Variants in WDR41 observed in about 807,000 individuals in gnomAD.
The protein encoded by WDR41 is WD repeat-containing protein 41.
A neutral mutation model predicts 69.3 loss-of-function variants in WDR41; 63 were observed. The ratio of observed to expected loss-of-function variants is 0.91; its 90% CI spans 0.74 to 1.12. The LOEUF (loss-of-function observed/expected upper bound fraction) is 1.12. Among genes scored for constraint, WDR41 ranks in the 50% most tolerant of loss-of-function variants. The probability of loss-of-function intolerance (pLI) is 0.00; values close to 1 mark genes in which losing one functional copy is unlikely to be tolerated. For synonymous variants in WDR41, 185 were observed against 192.1 expected, an observed-to-expected ratio of 0.96 and a Z score of 0.31; for missense variants, 543 against 534.5, an observed-to-expected ratio of 1.02 and a Z score of -0.16.
chr5:77,480,522 T>C (rs1222191323), intron 2 of WDR41, among the ~76,000 whole-genome samples: 5 of 152,028 alleles, frequency 3.3e-5, no homozygotes, highest in Non-Finnish European at 7.4e-5. Flanking sequence ...ATGTCCTTTG[T>C]AGGGACATGG....
chr5:77,436,853 AT>A (rs1427506093), intron 11 of WDR41, among the ~76,000 whole-genome samples: 1 of 152,232 alleles, frequency 6.6e-6, no homozygotes, highest in Non-Finnish European at 1.5e-5. Flanking sequence ...TTGGTAACTA[AT>A]TTATTCAACC....
intron 8 of WDR41, among the ~76,000 whole-genome samples, chr5:77,446,575 G>A (rs767356572): frequency 3.4e-4 from 52 of 152,224 alleles, no homozygotes; most frequent in Non-Finnish European, 7.1e-4. Flanking sequence ...TACCAAAACA[G>A]ACATATAGAC....
At chr5:77,468,192 G>A (rs1048830089) in intron 2 of WDR41, among the ~76,000 whole-genome samples, 2 of 152,128 alleles carry the variant, frequency 1.3e-5, no homozygotes. Flanking sequence ...CTAATTATGA[G>A]AACTAAATTT....
rs181218445 is a variant in WDR41 at position 77,565,435 on chromosome 5, C to T, written c.42+55044G>A. Among the ~76,000 whole-genome samples, 235 of 152,122 alleles carry T rather than the reference C, an allele frequency of 1.5e-3. 3 individuals are homozygous for T. The highest frequency in any genetic ancestry group is 5.4e-3 in the African/African-American group (224 of 41,502). ...AAGGACAGTCTTCTAATCTTATTCT[C>T]GTGTCAATTCCTCCATTCATTTTCC... On this transcript the variant is annotated intron_variant, in intron 1 of 5. Coordinates refer to the WDR41 transcript ENST00000509971.
intron 12 of WDR41, among the ~76,000 whole-genome samples, chr5:77,433,876 G>A (rs1798828495): frequency 6.6e-6 from 1 of 152,216 alleles, no homozygotes; most frequent in Admixed American, 6.5e-5. Flanking sequence ...AATGCCCCAA[G>A]TAAGGGGAAG....
intron 1 of WDR41, chr5:77,583,209 G>A (rs1390167066): frequency 1.3e-6 from 1 of 748,904 alleles, no homozygotes; most frequent in African/African-American, 1.8e-5. Context: ...AAGTGCAGAG[G>A]TTGAATTAGT....
intron 5 of WDR41, among the ~76,000 whole-genome samples, chr5:77,454,677 A>C (rs1021356499): frequency 1.2e-4 from 19 of 152,214 alleles, no homozygotes; most frequent in African/African-American, 4.6e-4. Flanking sequence ...TGAGTCAGAC[A>C]AGGGCAAGAG....
chr5:77,499,490 G>A (rs536472519), intron 1 of WDR41: 1 of 152,310 alleles, frequency 6.6e-6, no homozygotes, highest in Non-Finnish European at 1.5e-5. Context: ...CTACCAACAG[G>A]AGACTGCAGG....
intron 2 of WDR41, among the ~76,000 whole-genome samples, chr5:77,465,173 C>A (rs1042075941): frequency 6.6e-6 from 1 of 152,036 alleles, no homozygotes; most frequent in African/African-American, 2.4e-5. Context: ...GAAGTGATTA[C>A]GATGTTAAAT....
chr5:77,449,684 A>G (rs1799542766), intron 8 of WDR41, 76 bp downstream of exon 8: 1 of 931,644 alleles, frequency 1.1e-6, no homozygotes, highest in African/African-American at 1.7e-5. Flanking sequence ...CCCAGAACTA[A>G]GCAAGGCTCG....
chr5:77,437,424 C>A lies in WDR41; in HGVS notation c.1005G>T (p.Arg335Ser). 1 of 1,613,328 alleles carries A rather than the reference C, an allele frequency of 6.2e-7. No homozygotes were observed. Among genetic ancestry groups the A allele is most frequent in the Non-Finnish European group, 8.5e-7 (1 of 1,179,528 alleles). ...NVLHVARLPNRQLISCSEDGS... is the reference protein window; with the variant it reads ...NVLHVARLPNSQLISCSEDGS... ...CATCTTCTGAGCATGAGATTAACTG[C>A]CTGTCAGAACAGAAAATCAGTAATA... The change falls in exon 11 of 13, where the codon AGG (arginine) becomes AGT (serine). Residue 335 changes from arginine to serine, a missense_variant and splice_region_variant. Physicochemically the swap from Arg to Ser is moderately radical, Grantham distance 110. Coordinates refer to ENST00000296679, the MANE Select transcript of WDR41 (RefSeq NM_018268.4).
chr5:77,504,359 C>T (rs889584798), intron 1 of WDR41, among the ~76,000 whole-genome samples: 10 of 152,098 alleles, frequency 6.6e-5, no homozygotes, highest in African/African-American at 1.9e-4. Context: ...CAATAACAGG[C>T]TCTGAAATTG....
upstream of WDR41, chr5:77,492,373 C>T: frequency 1.1e-6 from 1 of 951,282 alleles, no homozygotes; most frequent in Non-Finnish European, 1.5e-6. Flanking sequence ...ATGCAGACCA[C>T]AGTTGAGGGA....
intron 1 of WDR41, among the ~76,000 whole-genome samples, chr5:77,559,412 T>G: frequency 6.6e-6 from 1 of 152,156 alleles, no homozygotes; most frequent in East Asian, 1.9e-4. Flanking sequence ...TGATTGTTAA[T>G]AATTACTGTG....
chr5:77,608,103 C>G (rs1241552762), intron 1 of WDR41, among the ~76,000 whole-genome samples: 3 of 152,212 alleles, frequency 2.0e-5, no homozygotes, highest in Admixed American at 1.3e-4. Flanking sequence ...CCCTGGCAAT[C>G]ACTATTCTAC....
chr5:77,479,839 A>G (rs6453310), intron 2 of WDR41, among the ~76,000 whole-genome samples: 1 of 150,490 alleles, frequency 6.6e-6, no homozygotes, highest in African/African-American at 2.5e-5. Flanking sequence ...TAATTAAACT[A>G]AAGAGCTTCT....
chr5:77,531,899 G>A (rs1802533888), intron 1 of WDR41, among the ~76,000 whole-genome samples: 1 of 151,880 alleles, frequency 6.6e-6, no homozygotes, highest in African/African-American at 2.4e-5. Flanking sequence ...ATCCAAAAGA[G>A]GTTAATCCAT....
At chr5:77,467,785 C>T (rs1017560528) in intron 2 of WDR41, among the ~76,000 whole-genome samples, 1 of 151,922 alleles carries the variant, frequency 6.6e-6, no homozygotes, top group South Asian at 2.1e-4. Flanking sequence ...GGCAATGTAA[C>T]CCCATATTTT....
In WDR41 at chr5:77,437,369, T is replaced by C; in HGVS notation, c.1060A>G (p.Lys354Glu). 1 of 1,613,968 alleles carries C rather than the reference T, an allele frequency of 6.2e-7. No individual in the cohort carries two copies. Among genetic ancestry groups the C allele is most frequent in the Non-Finnish European group, 8.5e-7 (1 of 1,179,928 alleles). The change falls in exon 11 of 13, where the codon AAA becomes GAA. Residue 354 changes from lysine to glutamate, a missense_variant. Coordinates refer to ENST00000296679, the MANE Select transcript of WDR41 (RefSeq NM_018268.4). ...GSVRIWELRE[K>E]QQLAAEPVPT... ...ACAGGCTCAGCTGCAAGCTGCTGTT[T>C]TTCTCTTAACTCCCAAATGCGTACA...
Sources: allele counts gnomAD v4.1 joint callset (sites outside exome capture counted in the v4.1 genomes callset), GRCh38; gene constraint gnomAD v4.1.1; transcripts MANE v1.5; gene names NCBI Gene and HGNC (gene_info 2026-07-23, HGNC 2026-07-21).